The following HS6ST3 variants were observed in gnomAD, a reference collection of about 807,000 sequenced individuals.
HS6ST3 encodes the protein heparan sulfate 6-O-sulfotransferase 3.
HS6ST3 carries 12 observed loss-of-function variants against 36.7 expected under a neutral mutation model. The observed-to-expected ratio is 0.33, with a 90% confidence interval of 0.21 to 0.53. The LOEUF (loss-of-function observed/expected upper bound fraction) is 0.53, where lower values mean the gene tolerates loss of function less well. Ranked by LOEUF, HS6ST3 falls within the 20% of genes least tolerant of loss-of-function variation. HS6ST3 has a pLI of 0.95. For missense variants in HS6ST3, 584 were observed against 640.9 expected, an observed-to-expected ratio of 0.91 and a Z score of 0.96; for synonymous variants, 240 against 257.5, an observed-to-expected ratio of 0.93 and a Z score of 0.65.
intron 1 of HS6ST3, among the ~76,000 whole-genome samples, chr13:96,462,353 G>A (rs903693805): frequency 6.6e-6 from 1 of 152,196 alleles, no homozygotes; most frequent in Non-Finnish European, 1.5e-5. Flanking sequence ...TTACAGGCAT[G>A]AGCCACTGTG....
chr13:96,772,218 T>C (rs1412663447), intron 1 of HS6ST3, among the ~76,000 whole-genome samples: 1 of 152,222 alleles, frequency 6.6e-6, no homozygotes, highest in East Asian at 1.9e-4. Flanking sequence ...TTACACCAGC[T>C]GCCTCGGGCC....
rs138917959 is a variant in HS6ST3 at position 96,314,380 on chromosome 13, A to G, written c.707+222811A>G. Among the ~76,000 whole-genome samples the G allele has an allele frequency of 7.2e-4, 110 of 152,328 alleles. 2 individuals carry two copies. Among genetic ancestry groups the G allele is most frequent in the African/African-American group, 2.5e-3 (105 of 41,572 alleles). On this transcript the variant is annotated intron_variant, in intron 1 of 1. Transcript: ENST00000376705. The stretch of plus-strand genomic sequence containing the variant: ...TTTACTAAGATATTGGGAAATTTTT[A>G]TTCTAGCAATGCAAGGAAATTTAAC...
chr13:96,219,759 C>T (rs1160453579), intron 1 of HS6ST3, among the ~76,000 whole-genome samples: 1 of 152,112 alleles, frequency 6.6e-6, no homozygotes, highest in Non-Finnish European at 1.5e-5. Context: ...TCTTGGCTCA[C>T]TGCAACCTCC....
intron 1 of HS6ST3, among the ~76,000 whole-genome samples, chr13:96,724,582 G>GT (rs780870416): frequency 2.6e-5 from 4 of 152,044 alleles, no homozygotes; most frequent in Non-Finnish European, 5.9e-5. Flanking sequence ...CTATAGATTA[G>GT]TTTTCATTTT....
chr13:96,710,027 G>T (rs2138460054), intron 1 of HS6ST3, among the ~76,000 whole-genome samples: 1 of 152,290 alleles, frequency 6.6e-6, no homozygotes, highest in African/African-American at 2.4e-5. Flanking sequence ...GTCCTTAACT[G>T]CAACTCTGTG....
At chr13:96,727,411 A>G (rs1876031769) in intron 1 of HS6ST3, among the ~76,000 whole-genome samples, 1 of 151,998 alleles carries the variant, frequency 6.6e-6, no homozygotes, top group Non-Finnish European at 1.5e-5. Flanking sequence ...ATTATCATTA[A>G]CATTTCAAAC....
At chr13:96,156,346 C>G (rs2054110462) in intron 1 of HS6ST3, among the ~76,000 whole-genome samples, 2 of 152,252 alleles carry the variant, frequency 1.3e-5, no homozygotes, top group Admixed American at 1.3e-4. Context: ...ACAAGAAGCA[C>G]TGAGAATGCT....
intron 1 of HS6ST3, among the ~76,000 whole-genome samples, chr13:96,669,622 TC>T (rs139644561): frequency 0.015 from 2,245 of 152,276 alleles, 22 homozygotes; most frequent in Admixed American, 0.022. Flanking sequence ...ACTTTCCTAC[TC>T]CTGGATAGAA....
chr13:96,163,374 C>T (rs532377563), intron 1 of HS6ST3, among the ~76,000 whole-genome samples: 5 of 151,898 alleles, frequency 3.3e-5, no homozygotes, highest in Non-Finnish European at 5.9e-5. Context: ...GGACTACAGG[C>T]GCCCACCACC....
At chr13:96,640,853 A>G (rs184370332) in intron 1 of HS6ST3, among the ~76,000 whole-genome samples, 116 of 151,954 alleles carry the variant, frequency 7.6e-4, no homozygotes, top group African/African-American at 2.6e-3. Flanking sequence ...GAAGATTTAG[A>G]TGGGCGTAGG....
At chr13:96,099,516 T>G (rs1017272915) in intron 1 of HS6ST3, among the ~76,000 whole-genome samples, 1 of 152,222 alleles carries the variant, frequency 6.6e-6, no homozygotes, top group African/African-American at 2.4e-5. Context: ...TAAAAATGTT[T>G]AAACATATAC....
chr13:96,186,949 T>G (rs2054267502), intron 1 of HS6ST3, among the ~76,000 whole-genome samples: 3 of 152,228 alleles, frequency 2.0e-5, no homozygotes, highest in Admixed American at 6.5e-5. Flanking sequence ...ATTAACAGTT[T>G]CTGCAGTGTA....
intron 1 of HS6ST3, among the ~76,000 whole-genome samples, chr13:96,174,819 T>C (rs770199532): frequency 6.6e-6 from 1 of 152,186 alleles, no homozygotes; most frequent in Non-Finnish European, 1.5e-5. Flanking sequence ...TTCTTAGTTA[T>C]AGTCAAAAGA....
rs2139420439 is a variant in HS6ST3 at position 96,330,798 on chromosome 13, T to C, written c.707+239229T>C. 2.0e-5 allele frequency among the ~76,000 whole-genome samples: 3 copies of C among 151,224 alleles called. No individual in the cohort carries two copies. In the South Asian group the frequency reaches 6.3e-4, roughly 32 times the overall value. ...AGTGTTTTCCAACTTGGTTCCATTC[T>C]CCCCATCACTTTCAGGTACACCAAT... On this transcript the variant is annotated intron_variant, in intron 1 of 1. Coordinates refer to ENST00000376705, the MANE Select transcript of HS6ST3 (RefSeq NM_153456.4).
At chr13:96,501,103 G>A (rs1308069818) in intron 1 of HS6ST3, among the ~76,000 whole-genome samples, 1 of 152,154 alleles carries the variant, frequency 6.6e-6, no homozygotes, top group Non-Finnish European at 1.5e-5. Context: ...TTTGGTGGAG[G>A]TGAGAGGCTA....
chr13:96,180,194 GCA>G (rs139357974), intron 1 of HS6ST3, among the ~76,000 whole-genome samples: 1 of 150,868 alleles, frequency 6.6e-6, no homozygotes, highest in Non-Finnish European at 1.5e-5. Flanking sequence ...ACATACACAC[GCA>G]CACACACACA....
At chr13:96,321,357 T>C (rs1157239133) in intron 1 of HS6ST3, among the ~76,000 whole-genome samples, 1 of 152,162 alleles carries the variant, frequency 6.6e-6, no homozygotes, top group Non-Finnish European at 1.5e-5. Flanking sequence ...ATCTTTTCTG[T>C]ATTCTTGCCC....
intron 1 of HS6ST3, among the ~76,000 whole-genome samples, chr13:96,375,254 C>T (rs930624664): frequency 6.6e-6 from 1 of 151,698 alleles, no homozygotes; most frequent in African/African-American, 2.4e-5. Flanking sequence ...TCACCTGTTC[C>T]CCTCCAACTC....
chr13:96,532,321 T>A (rs139644015), intron 1 of HS6ST3, among the ~76,000 whole-genome samples: 2 of 152,364 alleles, frequency 1.3e-5, no homozygotes, highest in East Asian at 3.9e-4. Context: ...ATTTTCCCGA[T>A]GAGAAATACA....
Sources: allele counts gnomAD v4.1 joint callset (sites outside exome capture counted in the v4.1 genomes callset), GRCh38; gene constraint gnomAD v4.1.1; transcripts MANE v1.5; gene names NCBI Gene and HGNC (gene_info 2026-07-23, HGNC 2026-07-21).